SPMAP2L: variants seen among roughly 807,000 people sequenced by gnomAD.
SPMAP2L encodes sperm microtubule associated protein 2-like.
the SPMAP2L span, among the ~76,000 whole-genome samples, chr4:56,564,770 G>A: frequency 3.3e-5 from 5 of 151,786 alleles, no homozygotes; most frequent in Admixed American, 1.3e-4. Flanking sequence ...GTTGACTTGA[G>A]ACCTTTCTTA....
At chr4:56,575,688 A>G in the SPMAP2L span, 2 of 1,512,362 alleles carry the variant, frequency 1.3e-6, no homozygotes, top group Non-Finnish European at 1.8e-6. Context: ...TAATTTGGCC[A>G]GATGTCTTAG....
At chr4:56,602,076 C>T in the SPMAP2L span, among the ~76,000 whole-genome samples, 9 of 152,014 alleles carry the variant, frequency 5.9e-5, no homozygotes, top group East Asian at 1.4e-3. Flanking sequence ...GCATCATGTA[C>T]GTGTATGGCC....
chr4:56,559,319 A>C, the SPMAP2L span: 2,475 of 1,167,096 alleles, frequency 2.1e-3, 52 homozygotes, highest in African/African-American at 0.036. Flanking sequence ...AAAAAAAAAA[A>C]AAAGAGTCAT....
the SPMAP2L span, among the ~76,000 whole-genome samples, chr4:56,589,764 A>AT: frequency 7.0e-6 from 1 of 143,126 alleles, no homozygotes; most frequent in African/African-American, 2.6e-5. Flanking sequence ...TTTTTGTTTT[A>AT]TTTTTTTTGC....
chr4:56,594,071 C>T, the SPMAP2L span: 2 of 1,609,208 alleles, frequency 1.2e-6, no homozygotes, highest in East Asian at 4.5e-5. Context: ...TGGTATTTCT[C>T]TTGATGAAAC....
At chr4:56,530,959 CG>C in the SPMAP2L span, 2 of 1,535,308 alleles carry the variant, frequency 1.3e-6, no homozygotes, top group South Asian at 2.4e-5. Context: ...CCACAAGCCC[CG>C]GGACTCCTAT....
At chr4:56,536,769 T>C in the SPMAP2L span, among the ~76,000 whole-genome samples, 9 of 152,262 alleles carry the variant, frequency 5.9e-5, no homozygotes, top group East Asian at 1.5e-3. Flanking sequence ...GTTATTATTA[T>C]TATTACTATT....
chr4:56,617,577 C>T, the SPMAP2L span, among the ~76,000 whole-genome samples: 3 of 152,256 alleles, frequency 2.0e-5, no homozygotes, highest in Admixed American at 1.3e-4. Flanking sequence ...TCTGACCCCA[C>T]GGCAGTGTCT....
the SPMAP2L span, among the ~76,000 whole-genome samples, chr4:56,619,803 AT>A: frequency 6.6e-6 from 1 of 152,342 alleles, no homozygotes; most frequent in East Asian, 1.9e-4. Flanking sequence ...GGGAGAAAAT[AT>A]TTGCAAACTA....
the SPMAP2L span, chr4:56,603,564 C>T: frequency 2.9e-6 from 1 of 350,570 alleles, no homozygotes; most frequent in South Asian, 9.1e-5. Flanking sequence ...GAGAGACTGC[C>T]TCATTATCCT....
chr4:56,622,350 A>C, the SPMAP2L span, among the ~76,000 whole-genome samples: 2 of 152,258 alleles, frequency 1.3e-5, no homozygotes, highest in Non-Finnish European at 2.9e-5. Flanking sequence ...GAGAGCAATA[A>C]AAATACCTCG....
At chr4:56,612,091 G>A in the SPMAP2L span, among the ~76,000 whole-genome samples, 9 of 152,208 alleles carry the variant, frequency 5.9e-5, no homozygotes, top group African/African-American at 1.9e-4. Flanking sequence ...GGGACACTGT[G>A]TGAGGACCAG....
the SPMAP2L span, among the ~76,000 whole-genome samples, chr4:56,573,205 A>G: frequency 6.6e-6 from 1 of 152,216 alleles, no homozygotes; most frequent in African/African-American, 2.4e-5. Context: ...TGATTAATAG[A>G]ATCATTTGAA....
the SPMAP2L span, among the ~76,000 whole-genome samples, chr4:56,620,078 A>C: frequency 6.6e-6 from 1 of 152,178 alleles, no homozygotes; most frequent in Admixed American, 6.5e-5. Flanking sequence ...AAAGTCTCTC[A>C]CTGGGCATCC....
the SPMAP2L span, chr4:56,595,688 G>A: frequency 1.8e-6 from 2 of 1,095,738 alleles, no homozygotes; most frequent in South Asian, 1.2e-5. Flanking sequence ...TTTATGAGTT[G>A]CCATTTTCTG....
chr4:56,569,109 T>C, the SPMAP2L span, among the ~76,000 whole-genome samples: 31,605 of 152,248 alleles, frequency 0.21, 3,763 homozygotes, highest in East Asian at 0.44. Flanking sequence ...AATGCTGCTA[T>C]GATCATTTGT....
chr4:56,551,212 C>T, the SPMAP2L span, among the ~76,000 whole-genome samples: 2 of 152,178 alleles, frequency 1.3e-5, no homozygotes, highest in African/African-American at 4.8e-5. Context: ...GATGCTTTTC[C>T]TTATCACCTG....
the SPMAP2L span, among the ~76,000 whole-genome samples, chr4:56,615,340 A>T: frequency 1.8e-4 from 28 of 152,306 alleles, no homozygotes; most frequent in African/African-American, 6.3e-4. Context: ...CTTTACCCCA[A>T]AGTACCTGCG....
chr4:56,541,308 T>A, the SPMAP2L span, among the ~76,000 whole-genome samples: 1 of 152,002 alleles, frequency 6.6e-6, no homozygotes, highest in Admixed American at 6.5e-5. Context: ...AAAATTTAAA[T>A]TAAAAAATAA....
Sources: gnomAD v4.1 joint callset for allele counts (sites outside exome capture counted in the v4.1 genomes callset) on GRCh38, gnomAD v4.1.1 for gene constraint, MANE v1.5 for transcripts, NCBI Gene and HGNC (gene_info 2026-07-23, HGNC 2026-07-21) for gene names.